LYPD6: variants seen among roughly 807,000 people sequenced by gnomAD.
LYPD6 encodes the protein LY6/PLAUR domain containing 6, also known as ly6/PLAUR domain-containing protein 6.
LYPD6 carries 15 observed loss-of-function variants against 22.7 expected under a neutral mutation model. The observed-to-expected ratio is 0.66, with a 90% CI of 0.44 to 1.02. LYPD6 has a LOEUF of 1.02. Ranked by LOEUF, LYPD6 falls within the 50% of genes least tolerant of loss-of-function variation. The probability of loss-of-function intolerance (pLI) is 0.00; values close to 1 mark genes in which losing one functional copy is unlikely to be tolerated. For missense variants in LYPD6, 189 were observed against 208.4 expected (o/e 0.91, Z 0.57); for synonymous variants, 72 against 77.5 (o/e 0.93, Z 0.37).
chr2:149,405,701 T>G (rs1682686896), intron 1 of LYPD6, among the ~76,000 whole-genome samples: 2 of 152,182 alleles, frequency 1.3e-5, no homozygotes, highest in South Asian at 4.1e-4. Context: ...GATTCATTAA[T>G]TGTTTGAAGG....
At chr2:149,450,956 T>C (rs1032982040) in intron 3 of LYPD6, among the ~76,000 whole-genome samples, 2 of 152,242 alleles carry the variant, frequency 1.3e-5, no homozygotes. Flanking sequence ...GGCTAGTTCC[T>C]GTGGTGATAA....
intron 3 of LYPD6, among the ~76,000 whole-genome samples, chr2:149,454,256 C>T (rs958882856): frequency 3.3e-5 from 5 of 152,150 alleles, no homozygotes; most frequent in African/African-American, 1.2e-4. Context: ...TGTTTCCACC[C>T]ATATGAAGCA....
chr2:149,394,461 A>AT (rs1471671138), intron 1 of LYPD6, among the ~76,000 whole-genome samples: 1 of 152,196 alleles, frequency 6.6e-6, no homozygotes, highest in East Asian at 1.9e-4. Context: ...CTTGGCATCC[A>AT]TTTTGGATAT....
chr2:149,375,590 C>T (rs929082160), intron 1 of LYPD6, among the ~76,000 whole-genome samples: 1 of 152,120 alleles, frequency 6.6e-6, no homozygotes, highest in Non-Finnish European at 1.5e-5. Context: ...GGGGTTCTCC[C>T]AACATTTTCT....
chr2:149,475,430 A>AT (rs1389606964), downstream of LYPD6, among the ~76,000 whole-genome samples: 2 of 152,150 alleles, frequency 1.3e-5, no homozygotes, highest in Non-Finnish European at 1.5e-5. Flanking sequence ...TGGGCCTATG[A>AT]TTTTTTTAAA....
chr2:149,374,040 A>G (rs1044974846), intron 1 of LYPD6, among the ~76,000 whole-genome samples: 1 of 152,120 alleles, frequency 6.6e-6, no homozygotes, highest in Admixed American at 6.5e-5. Context: ...ATATTGCTTT[A>G]AAGGGCAAAG....
intron 1 of LYPD6, among the ~76,000 whole-genome samples, chr2:149,422,613 A>G (rs1408260504): frequency 6.6e-6 from 1 of 152,168 alleles, no homozygotes; most frequent in African/African-American, 2.4e-5. Flanking sequence ...TGATGAGAGC[A>G]TTTAAGAACT....
intron 1 of LYPD6, among the ~76,000 whole-genome samples, chr2:149,398,326 G>A (rs574131099): frequency 2.0e-5 from 3 of 152,052 alleles, no homozygotes; most frequent in East Asian, 1.9e-4. Flanking sequence ...CTTTTCATGG[G>A]AAGATTTGTT....
chr2:149,459,307 A>T (rs933535472), intron 3 of LYPD6, among the ~76,000 whole-genome samples: 1 of 152,232 alleles, frequency 6.6e-6, no homozygotes, highest in African/African-American at 2.4e-5. Context: ...AATATCCTTC[A>T]GGAATGTGAA....
chr2:149,395,312 CAT>C (rs1342283642), intron 1 of LYPD6, among the ~76,000 whole-genome samples: 3 of 152,084 alleles, frequency 2.0e-5, no homozygotes, highest in African/African-American at 7.2e-5. Context: ...ATGCTCCCCT[CAT>C]AATTCTTTTT....
chr2:149,386,405 C>G (rs1682186090), intron 1 of LYPD6, among the ~76,000 whole-genome samples: 1 of 152,172 alleles, frequency 6.6e-6, no homozygotes, highest in Admixed American at 6.5e-5. Flanking sequence ...CATCCTCTTA[C>G]CTCAGCTGCT....
At chr2:149,426,787 G>C (rs1390151682) in intron 1 of LYPD6, among the ~76,000 whole-genome samples, 1 of 152,172 alleles carries the variant, frequency 6.6e-6, no homozygotes, top group Non-Finnish European at 1.5e-5. Context: ...TGTCAGGAAG[G>C]GCAGAAAACC....
chr2:149,401,981 G>C (rs970649830), intron 1 of LYPD6, among the ~76,000 whole-genome samples: 5 of 151,970 alleles, frequency 3.3e-5, no homozygotes, highest in Non-Finnish European at 5.9e-5. Context: ...CCACTTCTGA[G>C]TTACTTCACT....
intron 3 of LYPD6, among the ~76,000 whole-genome samples, chr2:149,467,774 T>C (rs1681233908): frequency 6.6e-6 from 1 of 152,196 alleles, no homozygotes; most frequent in Admixed American, 6.5e-5. Flanking sequence ...AACATTCTCC[T>C]AAATCCCAGA....
downstream of LYPD6, among the ~76,000 whole-genome samples, chr2:149,476,434 G>A (rs537893183): frequency 1.1e-4 from 17 of 152,118 alleles, no homozygotes; most frequent in Admixed American, 3.9e-4. Context: ...TAGTTTTCTC[G>A]GGGTTTATGG....
intron 1 of LYPD6, among the ~76,000 whole-genome samples, chr2:149,336,717 A>G (rs145587599): frequency 0.02 from 2,982 of 152,300 alleles, 96 homozygotes; most frequent in African/African-American, 0.068. Flanking sequence ...TGTGTTCTCC[A>G]AATTTTCTAG....
At chr2:149,331,369 A>G (rs904391534) in intron 1 of LYPD6, among the ~76,000 whole-genome samples, 3 of 152,130 alleles carry the variant, frequency 2.0e-5, no homozygotes, top group Non-Finnish European at 1.5e-5. Context: ...GTTGATTCAC[A>G]TTTGGCTAAG....
At chr2:149,386,244 T>C (rs537822802) in intron 1 of LYPD6, among the ~76,000 whole-genome samples, 1 of 152,322 alleles carries the variant, frequency 6.6e-6, no homozygotes, top group East Asian at 1.9e-4. Flanking sequence ...CTGTTGTACC[T>C]AGATTTAGAG....
intron 1 of LYPD6, among the ~76,000 whole-genome samples, chr2:149,405,366 G>T (rs560860199): frequency 5.3e-5 from 8 of 152,206 alleles, no homozygotes; most frequent in African/African-American, 1.9e-4. Flanking sequence ...TCTGGTCCTG[G>T]ACCCTTTTTG....
Sources: allele counts gnomAD v4.1 joint callset (sites outside exome capture counted in the v4.1 genomes callset), GRCh38; gene constraint gnomAD v4.1.1; transcripts MANE v1.5; gene names NCBI Gene and HGNC (gene_info 2026-07-23, HGNC 2026-07-21).